Variants in PLK5 observed in about 807,000 individuals in gnomAD.
The protein encoded by PLK5 is inactive serine/threonine-protein kinase PLK5.
PLK5 carries 28 observed loss-of-function variants against 33.7 expected under a neutral mutation model. The observed-to-expected ratio is 0.83, with a 90% CI of 0.62 to 1.14. The LOEUF is 1.14. Ranked by LOEUF, PLK5 falls within the 50% of genes most tolerant of loss-of-function variation. PLK5 has a pLI of 0.00. For synonymous variants in PLK5, 225 were observed against 202.2 expected, an observed-to-expected ratio of 1.11 and a Z score of -0.96; for missense variants, 492 against 461.5, an observed-to-expected ratio of 1.07 and a Z score of -0.61.
intron 6 of PLK5, 33 bp from the exon 7 acceptor site, chr19:1,527,903 G>T (rs747172036): frequency 9.2e-6 from 14 of 1,521,568 alleles, no homozygotes; most frequent in Admixed American, 4.0e-5. Flanking sequence ...GCGATGCCTG[G>T]ACACCCAGGT....
intron 12 of PLK5, among the ~76,000 whole-genome samples, chr19:1,532,591 C>T (rs1291084017): frequency 6.7e-6 from 1 of 149,680 alleles, no homozygotes; most frequent in East Asian, 2.0e-4. Context: ...GGCGCAATCT[C>T]GGCTCACTGC....
At chr19:1,533,879 AGGGGTGGGG>A (rs1914006660) in intron 12 of PLK5, 43 bp from the exon 13 acceptor site, 5 of 655,284 alleles carry the variant, frequency 7.6e-6, no homozygotes, top group African/African-American at 7.3e-5. Flanking sequence ...TGTGGGGGCG[AGGGGTGGGG>A]ACGCCCCCTG....
intron 12 of PLK5, chr19:1,533,698 G>A: frequency 1.7e-6 from 1 of 595,976 alleles, no homozygotes. Context: ...CCAGGACAGA[G>A]GCCCTGTGTC....
At chr19:1,527,036 G>C in intron 6 of PLK5, 38 bp downstream of exon 6, 1 of 1,471,830 alleles carries the variant, frequency 6.8e-7, no homozygotes. Flanking sequence ...AGGGCCTCCG[G>C]GGGGGGCAGG....
intron 12 of PLK5, among the ~76,000 whole-genome samples, chr19:1,532,968 G>GTTT (rs548769914): frequency 6.9e-6 from 1 of 144,690 alleles, no homozygotes; most frequent in African/African-American, 2.5e-5. Context: ...GCCTGGCCAA[G>GTTT]TTTTTTTTTT....
At chr19:1,533,341 T>C (rs1473559805) in intron 12 of PLK5, among the ~76,000 whole-genome samples, 2 of 152,088 alleles carry the variant, frequency 1.3e-5, no homozygotes, top group Admixed American at 6.6e-5. Flanking sequence ...TCCTCCCACC[T>C]GGACCTCCCA....
At chr19:1,526,448 C>G (rs138576880) in intron 3 of PLK5, 38 bp from the exon 4 acceptor site, 3 of 230,940 alleles carry the variant, frequency 1.3e-5, no homozygotes, top group Non-Finnish European at 2.7e-5. Flanking sequence ...GCTGAGCTTA[C>G]ATTTGCCTTC....
At position 1,529,515 on chromosome 19, in the gene PLK5, G is replaced by A. The variant is rs760312029; in HGVS notation, c.490+25G>A. On this transcript the variant is annotated intron_variant, in intron 10 of 13. Coordinates refer to ENST00000454744, the MANE Select transcript of PLK5 (RefSeq NM_001243079.2). ...GGTGAGCAGATCCCCGTCCCAGCCC[G>A]GGGCTGCAGGTGGGGAGGGAGGAAT... 4.4e-5 allele frequency: 67 copies of A among 1,528,388 alleles called. 1 individual carries two copies. The South Asian group carries it at 7.4e-4, about 17-fold the overall frequency. 94.7% of individuals were successfully genotyped at this position (1,528,388 alleles called of 1,614,324 possible). A position where few individuals can be genotyped will look rare whatever the true frequency, so the allele number is the denominator to read the frequency against.
chr19:1,531,866 C>A lies in PLK5; in HGVS notation c.697C>A (p.Pro233Thr), dbSNP rs957011289. The part of the protein sequence containing the change: ...GGRTGRHPHG[P>T]ATPRREGTLP... ...GCGCACGGGACGGCACCCACATGGC[C>A]CTGCGACCCCCCGGAGGGTAAGTTG... is the stretch of plus-strand genomic sequence containing the variant. Residue 233 changes from proline (P) to threonine (T), a missense_variant, in exon 12 of 14, where the codon CCT becomes ACT. Pro to Thr is a conservative substitution (Grantham distance 38, BLOSUM62 -1). Coordinates refer to ENST00000454744, the MANE Select transcript of PLK5 (RefSeq NM_001243079.2). 3 of 1,495,420 alleles carry A rather than the reference C, an allele frequency of 2.0e-6. No individual in the cohort carries two copies. The highest frequency in any genetic ancestry group is 2.7e-6 in the Non-Finnish European group (3 of 1,127,016). The allele number at this position is 1,495,420 out of a possible 1,614,324, so 92.6% of individuals were successfully genotyped here. A position where few individuals can be genotyped will look rare whatever the true frequency, so the allele number is the denominator to read the frequency against.
At chr19:1,532,521 C>CTT (rs10545181) in intron 12 of PLK5, among the ~76,000 whole-genome samples, 8 of 118,786 alleles carry the variant, frequency 6.7e-5, no homozygotes, top group Admixed American at 9.2e-5. Context: ...AAATTTTCTT[C>CTT]TTTTTTTTTT....
At position 1,535,545 on chromosome 19, in the gene PLK5, T is replaced by C; in HGVS notation, c.*295T>C. ...CCCACGTGACGTTGCATCCTCCCTG[T>C]TTCTCTTAGTGGCAGAGGTGGGTTA... On this transcript the variant is annotated 3_prime_UTR_variant, in exon 14 of 14. Coordinates refer to ENST00000454744, the MANE Select transcript of PLK5 (RefSeq NM_001243079.2). 1 of 410,588 alleles carries C rather than the reference T, an allele frequency of 2.4e-6. No individual in the cohort carries two copies. The highest frequency in any genetic ancestry group is 4.3e-6 in the Non-Finnish European group (1 of 231,830). The allele number at this position is 410,588 out of a possible 1,614,324, so 25.4% of individuals were successfully genotyped here. A position where few individuals can be genotyped will look rare whatever the true frequency, so the allele number is the denominator to read the frequency against.
In PLK5 at chr19:1,533,357, C is replaced by G. The variant is rs544523159; in HGVS notation, c.715-574C>G. ...CCTCCCACCTGGACCTCCCAAAGTG[C>G]TGGGATTATAGGTGTGAGCCACCGC... On this transcript the variant is annotated intron_variant, in intron 12 of 13. Coordinates refer to ENST00000454744, the MANE Select transcript of PLK5 (RefSeq NM_001243079.2). 9.9e-4 allele frequency among the ~76,000 whole-genome samples: 151 copies of G among 152,258 alleles called. 1 individual carries two copies. The highest frequency in any genetic ancestry group is 1.9e-3 in the Non-Finnish European group (128 of 68,004).
intron 3 of PLK5, 56 bp downstream of exon 3, chr19:1,525,767 A>C (rs544593820): frequency 6.6e-6 from 1 of 152,444 alleles, no homozygotes; most frequent in African/African-American, 2.4e-5. Flanking sequence ...GTCTCTGTCC[A>C]CCCCGTGTCC....
At chr19:1,530,982 C>T (rs1342581323) in intron 11 of PLK5, among the ~76,000 whole-genome samples, 1 of 152,046 alleles carries the variant, frequency 6.6e-6, no homozygotes, top group Non-Finnish European at 1.5e-5. Flanking sequence ...GTCCCAGATA[C>T]TCAGGAGGCT....
intron 12 of PLK5, among the ~76,000 whole-genome samples, chr19:1,532,112 G>A (rs1031503302): frequency 7.2e-5 from 11 of 152,308 alleles, no homozygotes; most frequent in Admixed American, 6.5e-4. Context: ...GTAGGGGGAA[G>A]GGGAAGGGGT....
At chr19:1,532,723 T>C (rs1568254782) in intron 12 of PLK5, among the ~76,000 whole-genome samples, 1 of 152,088 alleles carries the variant, frequency 6.6e-6, no homozygotes, top group East Asian at 1.9e-4. Flanking sequence ...GGTTTCTCCA[T>C]GTTGGCCAGG....
chr19:1,524,171 T>G lies in PLK5; in HGVS notation c.-619T>G, dbSNP rs1188912948. On this transcript the variant is annotated 5_prime_UTR_variant, in exon 1 of 14. Coordinates refer to ENST00000454744, the MANE Select transcript of PLK5 (RefSeq NM_001243079.2). This position sits in a 1 kb window ranked among gnomAD's most constrained non-coding sequence, Gnocchi z 4.5. ...CCCGGCCGCGGCGGCGGCGCAGGAG[T>G]CGCCCCCTGGTCGCCGCCTTCCTGC... 1 of 149,738 alleles carries G rather than the reference T, an allele frequency of 6.7e-6. No individual in the cohort carries two copies. The highest frequency in any genetic ancestry group is 2.4e-5 in the African/African-American group (1 of 40,942). The allele number at this position is 149,738 out of a possible 1,614,324, so 9.3% of individuals were successfully genotyped here. A position where few individuals can be genotyped will look rare whatever the true frequency, so the allele number is the denominator to read the frequency against.
rs1383336482 is a variant in PLK5, at chr19:1,524,785, GTGTT to G, written c.-543-516_-543-513del. On this transcript the variant is annotated intron_variant, in intron 1 of 13. Coordinates refer to ENST00000454744, the MANE Select transcript of PLK5 (RefSeq NM_001243079.2). This position sits in a 1 kb window ranked among gnomAD's most constrained non-coding sequence, Gnocchi z 4.5. ...GTGTGTCTAGGAGTTGTGTGTTCAT[GTGTT>G]TGTATCTGTGTCTTTGTCCATGTGT... Among the ~76,000 whole-genome samples the G allele has an allele frequency of 3.9e-5, 6 of 151,984 alleles. No individual in the cohort carries two copies. The highest frequency in any genetic ancestry group is 1.4e-4 in the African/African-American group (6 of 41,446).
chr19:1,524,224 G>C lies in PLK5; in HGVS notation c.-566G>C, dbSNP rs1455925364. Reference sequence around the variant, plus strand: ...GACCCGGGCTCGGGCCGCGTGTACAGGCGCGGGAAGCTGATCGGCAAGGTG... The same window carrying C: ...GACCCGGGCTCGGGCCGCGTGTACACGCGCGGGAAGCTGATCGGCAAGGTG... On this transcript the variant is annotated 5_prime_UTR_variant, in exon 1 of 14. Transcript: ENST00000454744. This position sits in a 1 kb window ranked among gnomAD's most constrained non-coding sequence, Gnocchi z 4.5. 1 of 150,634 alleles carries C rather than the reference G, an allele frequency of 6.6e-6. No individual in the cohort carries two copies. The highest frequency in any genetic ancestry group is 1.5e-5 in the Non-Finnish European group (1 of 67,452). 9.3% of individuals were successfully genotyped at this position (150,634 alleles called of 1,614,324 possible). A position where few individuals can be genotyped will look rare whatever the true frequency, so the allele number is the denominator to read the frequency against.
Sources: allele counts gnomAD v4.1 joint callset (sites outside exome capture counted in the v4.1 genomes callset), GRCh38; gene constraint gnomAD v4.1.1; non-coding constraint Gnocchi (gnomAD v3.1); transcripts MANE v1.5; gene names NCBI Gene and HGNC (gene_info 2026-07-23, HGNC 2026-07-21).